EYS: variants seen among roughly 807,000 people sequenced by gnomAD.
EYS encodes EGF-like photoreceptor maintenance factor, also known as protein eyes shut homolog.
In EYS, 250 loss-of-function variants were observed where a neutral mutation model predicts 282.1. That is an observed-to-expected ratio of 0.89 (90% CI 0.80 to 0.98). The LOEUF (loss-of-function observed/expected upper bound fraction) is 0.98. Among genes scored for constraint, EYS ranks in the 50% least tolerant of loss-of-function variants. The pLI is 0.00. For synonymous variants in EYS, 1,355 were observed against 1,282.9 expected (o/e 1.06, Z -1.20); for missense variants, 4,016 against 3,709.0 (o/e 1.08, Z -2.15).
At chr6:64,006,395 C>T (rs1768348130) in intron 33 of EYS, among the ~76,000 whole-genome samples, 1 of 152,054 alleles carries the variant, frequency 6.6e-6, no homozygotes, top group Admixed American at 6.6e-5. Flanking sequence ...TGGGCAGAGA[C>T]TATGGTGTGT....
intron 35 of EYS, among the ~76,000 whole-genome samples, chr6:63,905,965 G>A (rs1435086796): frequency 6.6e-6 from 1 of 152,122 alleles, no homozygotes; most frequent in Non-Finnish European, 1.5e-5. Flanking sequence ...GAGGACATTT[G>A]AAAATAACCT....
At chr6:64,387,277 T>G (rs1582683693) in intron 29 of EYS, among the ~76,000 whole-genome samples, 1 of 152,052 alleles carries the variant, frequency 6.6e-6, no homozygotes, top group African/African-American at 2.4e-5. Context: ...ACTCCTCTAC[T>G]TCTTCAGAGA....
At chr6:65,592,009 C>T (rs1055579024) in intron 2 of EYS, among the ~76,000 whole-genome samples, 1 of 151,922 alleles carries the variant, frequency 6.6e-6, no homozygotes. Flanking sequence ...TGGATAACTG[C>T]AGTAACTTAT....
At chr6:64,339,417 C>A (rs1420885431) in intron 29 of EYS, among the ~76,000 whole-genome samples, 3 of 151,888 alleles carry the variant, frequency 2.0e-5, no homozygotes, top group Non-Finnish European at 4.4e-5. Flanking sequence ...CAAATTAAAA[C>A]CACACTGTGT....
chr6:65,185,013 T>C (rs1335054015), intron 12 of EYS, among the ~76,000 whole-genome samples: 1 of 149,462 alleles, frequency 6.7e-6, no homozygotes, highest in African/African-American at 2.5e-5. Flanking sequence ...GAAATTTTCA[T>C]ACATATTGTA....
At chr6:65,483,977 TACCG>T (rs1562212701) in intron 5 of EYS, among the ~76,000 whole-genome samples, 1 of 152,068 alleles carries the variant, frequency 6.6e-6, no homozygotes, top group Non-Finnish European at 1.5e-5. Flanking sequence ...AATTACTTCC[TACCG>T]GCTCCCTCCC....
At chr6:65,623,662 T>A (rs1291907031) in intron 2 of EYS, among the ~76,000 whole-genome samples, 1 of 152,210 alleles carries the variant, frequency 6.6e-6, no homozygotes, top group African/African-American at 2.4e-5. Context: ...TCAGTTCAGT[T>A]CAGAGTCTTG....
At chr6:65,006,068 A>T (rs1351235392) in intron 13 of EYS, among the ~76,000 whole-genome samples, 2 of 151,942 alleles carry the variant, frequency 1.3e-5, no homozygotes, top group Non-Finnish European at 2.9e-5. Flanking sequence ...CACCTAGGCT[A>T]TAACCCAGGG....
chr6:64,007,631 T>A (rs1768413348), intron 33 of EYS, among the ~76,000 whole-genome samples: 1 of 152,182 alleles, frequency 6.6e-6, no homozygotes, highest in Non-Finnish European at 1.5e-5. Flanking sequence ...TTTAGCACTA[T>A]AACTTTCCCT....
chr6:65,034,123 C>T (rs748028437), intron 13 of EYS, among the ~76,000 whole-genome samples: 6 of 152,180 alleles, frequency 3.9e-5, no homozygotes, highest in African/African-American at 7.2e-5. Flanking sequence ...TTTCTTTTGG[C>T]TAATTTCTCC....
chr6:63,721,619 T>TAA lies in EYS; in HGVS notation c.8411_8412insTT (p.Thr2805Ter). The TAA allele has an allele frequency of 6.4e-7, 1 of 1,551,462 alleles. No individual in the cohort carries two copies. The highest frequency in any genetic ancestry group is 8.7e-7 in the Non-Finnish European group (1 of 1,146,676). ...TCATTTTAGTGGAGGCCTTTTCTGT[T>TAA]ACATTTATCCCATCTAGATCCAGGT... On this transcript the variant is annotated frameshift_variant, in exon 43 of 43. Coordinates refer to ENST00000503581, the MANE Select transcript of EYS (RefSeq NM_001142800.2). LOFTEE classifies it low-confidence loss of function (END_TRUNC).
At chr6:65,598,234 A>ACCCCC (rs377147776) in intron 2 of EYS, among the ~76,000 whole-genome samples, 1 of 11,820 alleles carries the variant, frequency 8.5e-5, no homozygotes, top group Non-Finnish European at 1.5e-4. Flanking sequence ...CCTCCTCCCC[A>ACCCCC]CCCACCCCCC....
intron 33 of EYS, among the ~76,000 whole-genome samples, chr6:64,011,390 T>G (rs1315217241): frequency 1.3e-5 from 2 of 152,150 alleles, no homozygotes; most frequent in Non-Finnish European, 2.9e-5. Flanking sequence ...TGTCTTTAAT[T>G]TGTGAGAGGT....
chr6:64,447,552 C>T (rs1775155239), intron 26 of EYS, among the ~76,000 whole-genome samples: 1 of 151,834 alleles, frequency 6.6e-6, no homozygotes, highest in South Asian at 2.1e-4. Context: ...TAGGTTCCCA[C>T]AAATTCATTA....
chr6:64,221,346 A>G (rs1288632114), intron 31 of EYS, among the ~76,000 whole-genome samples: 1 of 152,126 alleles, frequency 6.6e-6, no homozygotes. Context: ...GAGGGAATTC[A>G]TTATAAAAGG....
At chr6:63,976,920 T>C (rs748674471) in intron 35 of EYS, among the ~76,000 whole-genome samples, 69 of 151,966 alleles carry the variant, frequency 4.5e-4, no homozygotes, top group Non-Finnish European at 8.8e-4. Context: ...ATTATTTATT[T>C]AGAATAGGAA....
At chr6:64,494,189 C>T (rs746094276) in intron 26 of EYS, among the ~76,000 whole-genome samples, 1 of 151,562 alleles carries the variant, frequency 6.6e-6, no homozygotes, top group East Asian at 1.9e-4. Context: ...GGGGAAATTG[C>T]CTCTCATCTG....
At chr6:64,716,430 G>A (rs567287222) in intron 22 of EYS, among the ~76,000 whole-genome samples, 3 of 152,270 alleles carry the variant, frequency 2.0e-5, no homozygotes, top group South Asian at 4.1e-4. Flanking sequence ...TTGTTGCCTT[G>A]TTATCAACAT....
intron 24 of EYS, among the ~76,000 whole-genome samples, chr6:64,598,078 A>G (rs1303963261): frequency 6.6e-6 from 1 of 152,226 alleles, no homozygotes; most frequent in Non-Finnish European, 1.5e-5. Flanking sequence ...AAACTTAAAC[A>G]TTAAGTGGAA....
Sources: allele counts gnomAD v4.1 joint callset (sites outside exome capture counted in the v4.1 genomes callset), GRCh38; gene constraint gnomAD v4.1.1; transcripts MANE v1.5; gene names NCBI Gene and HGNC (gene_info 2026-07-23, HGNC 2026-07-21).